The following SORBS3 variants were observed in gnomAD, a reference collection of about 807,000 sequenced individuals.
SORBS3 encodes the protein sorbin and SH3 domain containing 3, also known as vinexin.
A neutral mutation model predicts 98.0 loss-of-function variants in SORBS3; 69 were observed. The ratio of observed to expected loss-of-function variants is 0.70; its 90% CI spans 0.58 to 0.86. The LOEUF is 0.86. Ranked by LOEUF, SORBS3 falls within the 40% of genes least tolerant of loss-of-function variation. The probability of loss-of-function intolerance (pLI) is 0.00; values close to 1 mark genes in which losing one functional copy is unlikely to be tolerated. For missense variants in SORBS3, 954 were observed against 908.5 expected, an observed-to-expected ratio of 1.05 and a Z score of -0.64; for synonymous variants, 394 against 355.4, an observed-to-expected ratio of 1.11 and a Z score of -1.22.
upstream of SORBS3, among the ~76,000 whole-genome samples, chr8:22,547,558 C>T (rs1401649956): frequency 6.6e-6 from 1 of 152,212 alleles, no homozygotes; most frequent in Non-Finnish European, 1.5e-5. Flanking sequence ...TTATCCTACC[C>T]ATCGCAGTCT....
rs1445544358 is a variant in SORBS3, at chr8:22,553,911, G to A, written c.-55-541G>A. On this transcript the variant is annotated intron_variant, in intron 1 of 20. Transcript: ENST00000240123. ...CTTGCTGCCTGGAAATGCCCCCGACGCTCCCCTTGGCCCTATTGGGCTTAA... is the reference window on the plus strand; with the variant it reads ...CTTGCTGCCTGGAAATGCCCCCGACACTCCCCTTGGCCCTATTGGGCTTAA... Among the ~76,000 whole-genome samples the A allele has an allele frequency of 4.6e-5, 7 of 152,178 alleles. No homozygotes were observed. The East Asian group carries it at 9.7e-4, about 21-fold the overall frequency.
intron 20 of SORBS3, among the ~76,000 whole-genome samples, chr8:22,574,007 A>G (rs1840658989): frequency 6.6e-6 from 1 of 151,952 alleles, no homozygotes; most frequent in Admixed American, 6.6e-5. Context: ...AAGGTCGGCA[A>G]CCCCGGCCTG....
chr8:22,552,407 C>T (rs1840099518), intron 1 of SORBS3, among the ~76,000 whole-genome samples: 1 of 152,232 alleles, frequency 6.6e-6, no homozygotes, highest in African/African-American at 2.4e-5. Flanking sequence ...CTCTCTGCTA[C>T]ATGGGGGACC....
intron 10 of SORBS3, chr8:22,564,899 C>CCCGGGCCCGGGGGGGGGG (rs2117259337): frequency 1.9e-6 from 1 of 526,458 alleles, no homozygotes; most frequent in Non-Finnish European, 2.6e-6. Context: ...CCTGGGGTGG[C>CCCGGGCCCGGGGGGGGGG]GGGGGAACCT....
rs1840683955 is a variant in SORBS3 at position 22,574,711 on chromosome 8, T to G, written c.1999T>G (p.Tyr667Asp). 6.2e-7 allele frequency: 1 copy of G among 1,610,456 alleles called. No individual in the cohort carries two copies. Among genetic ancestry groups the G allele is most frequent in the African/African-American group, 1.3e-5 (1 of 74,698 alleles). Residue 667 changes from tyrosine (Y) to aspartate (D), a missense_variant, in exon 21 of 21, where the codon TAC (tyrosine) becomes GAC (aspartate). Transcript: ENST00000240123. ...GAAATTCGGAACGTTCCCTGGAAATTACGTTGCCCCGGTGTGAGTGGTCTC... is the reference window on the plus strand; with the variant it reads ...GAAATTCGGAACGTTCCCTGGAAATGACGTTGCCCCGGTGTGAGTGGTCTC... ...TQKFGTFPGN[Y>D]VAPV
At chr8:22,556,652 GAC>G (rs1586891129) in intron 3 of SORBS3, 61 bp from the exon 4 acceptor site, 2 of 1,450,262 alleles carry the variant, frequency 1.4e-6, no homozygotes, top group East Asian at 4.6e-5. Flanking sequence ...GGAGCTAAGG[GAC>G]ACACAGGTTC....
chr8:22,552,200 C>A (rs530749258), intron 1 of SORBS3, among the ~76,000 whole-genome samples, 178 bp downstream of exon 1: 1 of 152,366 alleles, frequency 6.6e-6, no homozygotes, highest in African/African-American at 2.4e-5. Context: ...TCCTTGTCCA[C>A]GTGGCCTTGT....
chr8:22,573,866 C>T (rs1840654504), intron 20 of SORBS3, among the ~76,000 whole-genome samples: 1 of 152,212 alleles, frequency 6.6e-6, no homozygotes, highest in Non-Finnish European at 1.5e-5. Context: ...TTCCCTCTTC[C>T]TCCCAGGCTG....
intron 1 of SORBS3, among the ~76,000 whole-genome samples, chr8:22,552,384 G>A (rs1383881112): frequency 1.3e-5 from 2 of 152,214 alleles, no homozygotes; most frequent in African/African-American, 4.8e-5. Context: ...TGAATTCTGG[G>A]AGGACCCCTC....
chr8:22,564,160 T>C, intron 8 of SORBS3, 83 bp downstream of exon 8: 1 of 1,513,892 alleles, frequency 6.6e-7, no homozygotes, highest in Non-Finnish European at 9.1e-7. Flanking sequence ...CCTTTCAGCT[T>C]GAATCCCTTG....
chr8:22,565,819 C>G lies in SORBS3; in HGVS notation c.904-7C>G. 1.5e-6 allele frequency: 2 copies of G among 1,312,630 alleles called. No homozygotes were observed. Among genetic ancestry groups the G allele is most frequent in the Non-Finnish European group, 1.9e-6 (2 of 1,028,912 alleles). 81.3% of individuals were successfully genotyped at this position (1,312,630 alleles called of 1,614,324 possible). A position where few individuals can be genotyped will look rare whatever the true frequency, so the allele number is the denominator to read the frequency against. On this transcript the variant is annotated splice_region_variant and splice_polypyrimidine_tract_variant and intron_variant, in intron 11 of 20. Coordinates refer to ENST00000240123, the MANE Select transcript of SORBS3 (RefSeq NM_005775.5). ...GCGGGCCCTGATTGCGCCGTTTCCC[C>G]GCGCAGAGCTCGCCGGCGCCCCGAC...
intron 20 of SORBS3, 119 bp from the exon 21 acceptor site, chr8:22,574,548 G>T: frequency 4.2e-6 from 4 of 944,360 alleles, no homozygotes; most frequent in Non-Finnish European, 6.5e-6. Context: ...TCCCTCTCTG[G>T]GCTCCCCTAC....
rs1840422191 is a variant in SORBS3 at position 22,566,416 on chromosome 8, A to G, written c.1022A>G (p.His341Arg). 3.1e-6 allele frequency: 5 copies of G among 1,614,080 alleles called. No homozygotes were observed. The East Asian group carries it at 1.1e-4, about 36-fold the overall frequency. The change falls in exon 13 of 21, where the codon CAC (histidine) becomes CGC (arginine). Residue 341 changes from histidine (H) to arginine (R), a missense_variant. By Grantham distance (29) the His-to-Arg change is conservative. Transcript: ENST00000240123. ...GGTTCCGCCCGGTCCCTGAGTCCCC[A>G]CAAAATGGCTGATGGAGGAAGCCCC... Reference protein sequence around the residue: ...YLGSARSLSPHKMADGGSPFL... With the variant: ...YLGSARSLSPRKMADGGSPFL...
chr8:22,550,574 G>A (rs902082508), upstream of SORBS3, among the ~76,000 whole-genome samples: 5 of 152,220 alleles, frequency 3.3e-5, no homozygotes, highest in Non-Finnish European at 7.3e-5. Context: ...TCAAGGCAAC[G>A]GGGAGAGCTT....
chr8:22,567,445 C>T (rs551795509), intron 16 of SORBS3, among the ~76,000 whole-genome samples: 65 of 152,342 alleles, frequency 4.3e-4, no homozygotes, highest in African/African-American at 1.5e-3. Flanking sequence ...CATTCAGATC[C>T]GTCTTTCTAA....
rs1003212268 is a variant in SORBS3 at position 22,554,435 on chromosome 8, T to C, written c.-55-17T>C. 6 of 1,562,490 alleles carry C rather than the reference T, an allele frequency of 3.8e-6. No individual in the cohort carries two copies. Among genetic ancestry groups the C allele is most frequent in the Admixed American group, 3.5e-5 (2 of 56,466 alleles). On this transcript the variant is annotated splice_polypyrimidine_tract_variant and intron_variant, in intron 1 of 20. Transcript: ENST00000240123. The surrounding 1 kb of genome is among the most constrained non-coding windows in gnomAD (Gnocchi z 6.5). ...CTAGCCTAGCAGGGCTTTCCCTTCC[T>C]TCCTCCTTCCCCACAGAGGACACGC...
intron 12 of SORBS3, chr8:22,566,123 C>T (rs1162005046): frequency 5.2e-5 from 32 of 615,554 alleles, no homozygotes; most frequent in Non-Finnish European, 7.3e-5. Flanking sequence ...GTTAGGGCGG[C>T]CCCGCCACGG....
At chr8:22,566,270 T>G in intron 12 of SORBS3, 75 bp from the exon 13 acceptor site, 4 of 1,496,750 alleles carry the variant, frequency 2.7e-6, no homozygotes, top group Non-Finnish European at 3.6e-6. Flanking sequence ...CGATGGGGGG[T>G]CAGAGCGGTC....
intron 20 of SORBS3, among the ~76,000 whole-genome samples, chr8:22,572,927 T>G (rs1339697383): frequency 6.6e-6 from 1 of 152,238 alleles, no homozygotes; most frequent in African/African-American, 2.4e-5. Flanking sequence ...AAGCCTCAGG[T>G]TGGCCTCAGC....
Sources: gnomAD v4.1 joint callset for allele counts (sites outside exome capture counted in the v4.1 genomes callset) on GRCh38, gnomAD v4.1.1 for gene constraint, Gnocchi (gnomAD v3.1) non-coding constraint, MANE v1.5 for transcripts, NCBI Gene and HGNC (gene_info 2026-07-23, HGNC 2026-07-21) for gene names.